The following MAF variants were observed in gnomAD, a reference collection of about 807,000 sequenced individuals.
MAF encodes MAF bZIP transcription factor.
In MAF, 10 loss-of-function variants were observed where a neutral mutation model predicts 22.0. The ratio of observed to expected loss-of-function variants is 0.45; its 90% CI spans 0.28 to 0.77. MAF has a LOEUF of 0.77. Ranked by LOEUF, MAF falls within the 30% of genes least tolerant of loss-of-function variation. The pLI is 0.12. For synonymous variants in MAF, 337 were observed against 255.8 expected, an observed-to-expected ratio of 1.32 and a Z score of -3.03; for missense variants, 544 against 548.4, an observed-to-expected ratio of 0.99 and a Z score of 0.08.
chr16:79,211,620 G>A, the MAF span: 4 of 1,614,170 alleles, frequency 2.5e-6, no homozygotes, highest in Non-Finnish European at 3.4e-6. Flanking sequence ...ACAGGGAGCT[G>A]CCACCACCGT....
chr16:79,399,334 T>C, the MAF span, among the ~76,000 whole-genome samples: 1 of 152,172 alleles, frequency 6.6e-6, no homozygotes, highest in African/African-American at 2.4e-5. Flanking sequence ...CAATTATTAT[T>C]ATATCATCAT....
At chr16:79,596,508 A>G (rs1056286799) in intron 1 of MAF, 1 of 1,050,532 alleles carries the variant, frequency 9.5e-7, no homozygotes, top group East Asian at 5.5e-5. Flanking sequence ...ATTATTGTAG[A>G]TTATTCTTTT....
At chr16:79,271,813 C>G in the MAF span, among the ~76,000 whole-genome samples, 110,711 of 152,168 alleles carry the variant, frequency 0.73, 41,029 homozygotes, top group Non-Finnish European at 0.78. Context: ...ATAAAAGGTA[C>G]AATATGGAGC....
chr16:79,495,048 C>G, the MAF span, among the ~76,000 whole-genome samples: 3 of 152,276 alleles, frequency 2.0e-5, no homozygotes, highest in African/African-American at 7.2e-5. Context: ...TGTCACCCCC[C>G]CAGACACCCT....
the MAF span, among the ~76,000 whole-genome samples, chr16:79,377,177 C>T: frequency 6.6e-6 from 1 of 152,170 alleles, no homozygotes. Flanking sequence ...ACATCCTCTC[C>T]AGCACCTGTT....
the MAF span, among the ~76,000 whole-genome samples, chr16:79,464,475 A>G: frequency 6.6e-6 from 1 of 152,212 alleles, no homozygotes; most frequent in Non-Finnish European, 1.5e-5. Flanking sequence ...AACACAAGTC[A>G]ACACCTTGAA....
At chr16:79,453,202 T>G in the MAF span, among the ~76,000 whole-genome samples, 3 of 152,150 alleles carry the variant, frequency 2.0e-5, no homozygotes, top group Admixed American at 1.3e-4. Flanking sequence ...AGCCTTTATC[T>G]GCCTCTATTC....
chr16:79,499,400 G>A, the MAF span, among the ~76,000 whole-genome samples: 23 of 152,228 alleles, frequency 1.5e-4, no homozygotes, highest in Admixed American at 1.5e-3. Context: ...TCCATAGGGA[G>A]AGGCACTGCA....
the MAF span, among the ~76,000 whole-genome samples, chr16:79,532,644 C>A: frequency 6.6e-6 from 1 of 152,158 alleles, no homozygotes; most frequent in South Asian, 2.1e-4. Flanking sequence ...GAAATGGGGG[C>A]GGCCTCTGTC....
the MAF span, among the ~76,000 whole-genome samples, chr16:79,500,359 C>T: frequency 5.9e-5 from 9 of 152,292 alleles, no homozygotes; most frequent in African/African-American, 2.2e-4. Context: ...GTGGTATGTG[C>T]TCTTTGGGGT....
In MAF at chr16:79,594,187, T is replaced by G. The variant is rs1913359856; in HGVS notation, c.*273A>C. On this transcript the variant is annotated 3_prime_UTR_variant, in exon 2 of 2. Transcript: ENST00000326043. The stretch of plus-strand genomic sequence containing the variant: ...TATGTATCTTTGTAATTTCAGTGAA[T>G]TTTTAAAACTAGTATGGCAGGTTGA... 3 of 438,284 alleles carry G rather than the reference T, an allele frequency of 6.8e-6. No individual in the cohort carries two copies. The highest frequency in any genetic ancestry group is 5.7e-5 in the South Asian group (2 of 35,240). The allele number at this position is 438,284 out of a possible 1,614,324, so 27.1% of individuals were successfully genotyped here.
the MAF span, among the ~76,000 whole-genome samples, chr16:79,360,565 T>G: frequency 6.6e-6 from 1 of 152,322 alleles, no homozygotes; most frequent in African/African-American, 2.4e-5. Context: ...AGCCATAGGC[T>G]TAGGGTAAAT....
chr16:79,241,839 A>C, the MAF span, among the ~76,000 whole-genome samples: 1 of 152,070 alleles, frequency 6.6e-6, no homozygotes, highest in African/African-American at 2.4e-5. Context: ...ACTAACAGCA[A>C]ATCTCTCTGC....
the MAF span, among the ~76,000 whole-genome samples, chr16:79,312,464 C>T: frequency 1.3e-5 from 2 of 152,316 alleles, no homozygotes; most frequent in East Asian, 1.9e-4. Context: ...TCAGTGCGAA[C>T]GTCCCCAAGC....
At chr16:79,390,544 C>G in the MAF span, among the ~76,000 whole-genome samples, 3 of 152,274 alleles carry the variant, frequency 2.0e-5, no homozygotes, top group East Asian at 5.8e-4. Context: ...TTTACAACTG[C>G]TAACAATTAC....
the MAF span, among the ~76,000 whole-genome samples, chr16:79,483,572 C>T: frequency 2.0e-5 from 3 of 151,944 alleles, no homozygotes; most frequent in African/African-American, 4.8e-5. Flanking sequence ...TTGACCAGGT[C>T]ATGAAGCTTC....
the MAF span, among the ~76,000 whole-genome samples, chr16:79,330,777 C>G: frequency 6.6e-6 from 1 of 152,310 alleles, no homozygotes; most frequent in South Asian, 2.1e-4. Context: ...TTGCCCTCCT[C>G]GGTGTATAAG....
chr16:79,259,140 A>C, the MAF span, among the ~76,000 whole-genome samples: 11 of 152,196 alleles, frequency 7.2e-5, 1 homozygote, highest in Admixed American at 2.6e-4. Context: ...ATAGAATTAG[A>C]AACGAAAGCC....
the MAF span, among the ~76,000 whole-genome samples, chr16:79,267,657 C>T: frequency 1.3e-5 from 2 of 152,140 alleles, no homozygotes; most frequent in Non-Finnish European, 1.5e-5. Flanking sequence ...GTCTTTTGGG[C>T]AAGACACTTC....
Sources: gnomAD v4.1 joint callset for allele counts (sites outside exome capture counted in the v4.1 genomes callset) on GRCh38, gnomAD v4.1.1 for gene constraint, MANE v1.5 for transcripts, NCBI Gene and HGNC (gene_info 2026-07-23, HGNC 2026-07-21) for gene names.